The following HS3ST5 variants were observed in gnomAD, a reference collection of about 807,000 sequenced individuals.
The protein encoded by HS3ST5 is heparan sulfate-glucosamine 3-sulfotransferase 5.
HS3ST5 carries 10 observed loss-of-function variants against 25.4 expected under a neutral mutation model. That is an observed-to-expected ratio of 0.39 (90% CI 0.24 to 0.67). HS3ST5 has a LOEUF of 0.67. Ranked by LOEUF, HS3ST5 falls within the 30% of genes least tolerant of loss-of-function variation. The pLI is 0.44. For missense variants in HS3ST5, 324 were observed against 420.7 expected, an observed-to-expected ratio of 0.77 and a Z score of 2.01; for synonymous variants, 170 against 162.4, an observed-to-expected ratio of 1.05 and a Z score of -0.36.
At chr6:114,322,120 A>T (rs190101794) in intron 1 of HS3ST5, among the ~76,000 whole-genome samples, 34 of 152,278 alleles carry the variant, frequency 2.2e-4, no homozygotes, top group Admixed American at 2.0e-3. Context: ...TAGAATTTTT[A>T]GCCTTTCAGA....
intron 1 of HS3ST5, among the ~76,000 whole-genome samples, chr6:114,315,552 C>T (rs1036641277): frequency 5.9e-5 from 9 of 152,130 alleles, no homozygotes; most frequent in African/African-American, 2.2e-4. Flanking sequence ...CAATAGCACA[C>T]ATATTTTATT....
intron 2 of HS3ST5, among the ~76,000 whole-genome samples, chr6:114,223,792 T>C (rs1039550835): frequency 2.0e-5 from 3 of 151,758 alleles, no homozygotes; most frequent in Non-Finnish European, 4.4e-5. Flanking sequence ...ATGAGTAGTT[T>C]TAATTATCTT....
chr6:114,169,652 A>T (rs1372544833), intron 2 of HS3ST5, among the ~76,000 whole-genome samples: 4 of 152,190 alleles, frequency 2.6e-5, no homozygotes, highest in Admixed American at 2.6e-4. Context: ...ATAAAGCCTC[A>T]ACTACTCTGT....
intron 1 of HS3ST5, among the ~76,000 whole-genome samples, chr6:114,298,590 T>C (rs1451700756): frequency 6.6e-6 from 1 of 152,222 alleles, no homozygotes; most frequent in Non-Finnish European, 1.5e-5. Flanking sequence ...GGATTCAACC[T>C]GGCAGCACGA....
chr6:114,328,548 G>A (rs1776264944), intron 1 of HS3ST5, among the ~76,000 whole-genome samples: 2 of 152,152 alleles, frequency 1.3e-5, no homozygotes, highest in African/African-American at 2.4e-5. Flanking sequence ...CTTTCTTTTT[G>A]TAAAACCATA....
At chr6:114,178,427 A>G (rs778886668) in intron 2 of HS3ST5, among the ~76,000 whole-genome samples, 2 of 152,228 alleles carry the variant, frequency 1.3e-5, no homozygotes, top group African/African-American at 2.4e-5. Flanking sequence ...TTATGCAGCA[A>G]AAGTTCACTA....
At chr6:114,062,971 C>CT (rs771965088) in intron 3 of HS3ST5, 94 bp from the exon 4 acceptor site, 1 of 666,350 alleles carries the variant, frequency 1.5e-6, no homozygotes, top group Non-Finnish European at 2.6e-6. Context: ...ATAAGTGACA[C>CT]TGCACAAAGA....
chr6:114,231,660 T>G (rs556882857), intron 1 of HS3ST5, among the ~76,000 whole-genome samples: 1 of 151,772 alleles, frequency 6.6e-6, no homozygotes, highest in African/African-American at 2.4e-5. Context: ...CTTAAGATAA[T>G]CAGTGTATCT....
chr6:114,070,333 C>T (rs1227237754), intron 3 of HS3ST5, among the ~76,000 whole-genome samples: 2 of 150,278 alleles, frequency 1.3e-5, no homozygotes, highest in Non-Finnish European at 3.0e-5. Flanking sequence ...GTAAAAGGGA[C>T]CATTTAGGTG....
intron 3 of HS3ST5, among the ~76,000 whole-genome samples, chr6:114,106,947 A>G (rs1776023298): frequency 6.6e-6 from 1 of 152,128 alleles, no homozygotes; most frequent in Non-Finnish European, 1.5e-5. Context: ...AACAAATGGT[A>G]TATTTAAAAA....
At chr6:114,124,052 A>G (rs1246145757) in intron 3 of HS3ST5, among the ~76,000 whole-genome samples, 1 of 152,148 alleles carries the variant, frequency 6.6e-6, no homozygotes, top group Non-Finnish European at 1.5e-5. Context: ...ACCAAGAGGT[A>G]TCTTGCCATA....
At chr6:114,300,565 C>T (rs565448969) in intron 1 of HS3ST5, among the ~76,000 whole-genome samples, 14 of 152,210 alleles carry the variant, frequency 9.2e-5, no homozygotes, top group South Asian at 6.2e-4. Context: ...GATTATAAAA[C>T]GGCACAACCA....
At chr6:114,073,707 A>G (rs191202386) in intron 3 of HS3ST5, among the ~76,000 whole-genome samples, 149 of 152,248 alleles carry the variant, frequency 9.8e-4, no homozygotes, top group Non-Finnish European at 1.8e-3. Flanking sequence ...TAAACTACCT[A>G]CTAGTTCAAT....
chr6:114,172,143 C>T (rs947400338), intron 2 of HS3ST5, among the ~76,000 whole-genome samples: 2 of 152,180 alleles, frequency 1.3e-5, no homozygotes, highest in African/African-American at 4.8e-5. Flanking sequence ...TAAAATCAGA[C>T]TCAGCTTACA....
intron 1 of HS3ST5, among the ~76,000 whole-genome samples, chr6:114,293,288 C>A (rs1184722955): frequency 6.6e-6 from 1 of 152,100 alleles, no homozygotes; most frequent in Non-Finnish European, 1.5e-5. Flanking sequence ...GAGGCTGGTT[C>A]TCTATGACTA....
At chr6:114,245,981 C>T (rs764207429) in intron 1 of HS3ST5, among the ~76,000 whole-genome samples, 3 of 152,122 alleles carry the variant, frequency 2.0e-5, no homozygotes, top group African/African-American at 7.2e-5. Flanking sequence ...AATCTCATGA[C>T]GCCACTGAAA....
chr6:114,198,797 G>GT (rs199598084), intron 2 of HS3ST5, among the ~76,000 whole-genome samples: 52 of 149,692 alleles, frequency 3.5e-4, no homozygotes, highest in Admixed American at 1.1e-3. Flanking sequence ...CTTAGTACAA[G>GT]TTTTTTTTTT....
chr6:114,242,783 GC>G (rs1772194732), intron 1 of HS3ST5, among the ~76,000 whole-genome samples: 7 of 151,264 alleles, frequency 4.6e-5, no homozygotes, highest in African/African-American at 1.7e-4. Flanking sequence ...AACCCGGGAA[GC>G]GGAGCTTGCA....
chr6:114,268,390 A>G (rs1013460225), intron 1 of HS3ST5, among the ~76,000 whole-genome samples: 2 of 152,180 alleles, frequency 1.3e-5, no homozygotes, highest in Non-Finnish European at 2.9e-5. Context: ...GAGGAATAGA[A>G]AATAACTACA....
Sources: allele counts gnomAD v4.1 joint callset (sites outside exome capture counted in the v4.1 genomes callset), GRCh38; gene constraint gnomAD v4.1.1; transcripts MANE v1.5; gene names NCBI Gene and HGNC (gene_info 2026-07-23, HGNC 2026-07-21).